Variants in GLIS1 observed in about 807,000 individuals in gnomAD.
The protein encoded by GLIS1 is zinc finger protein GLIS1.
A neutral mutation model predicts 63.8 loss-of-function variants in GLIS1; 24 were observed. The ratio of observed to expected loss-of-function variants is 0.38; its 90% CI spans 0.27 to 0.53. The LOEUF is 0.53. Ranked by LOEUF, GLIS1 falls within the 20% of genes least tolerant of loss-of-function variation. GLIS1 has a pLI of 0.85. For missense variants in GLIS1, 1,036 were observed against 1,074.1 expected (o/e 0.96, Z 0.50); for synonymous variants, 450 against 482.5 (o/e 0.93, Z 0.88).
Position 53,661,442 on chromosome 1 carries a change from T to G in GLIS1, c.260-61164A>C, listed in dbSNP as rs2100362296. Among the ~76,000 whole-genome samples, 3 of 152,296 alleles carry G rather than the reference T, an allele frequency of 2.0e-5. No homozygotes were observed. The South Asian group carries it at 6.2e-4, about 32-fold the overall frequency. On this transcript the variant is annotated intron_variant, in intron 2 of 10. Coordinates refer to ENST00000628545, the MANE Select transcript of GLIS1 (RefSeq NM_001367484.1). ...CCTGGAACAAGATTTTCAAAAAGCC[T>G]AATTGGTTTTTATTAGAAACAATCC... is the stretch of plus-strand genomic sequence containing the variant.
In GLIS1 at chr1:53,538,140, T is replaced by C. The variant is rs369351689; in HGVS notation, c.1321-8188A>G. Among the ~76,000 whole-genome samples the C allele has an allele frequency of 4.6e-5, 7 of 152,308 alleles. No individual in the cohort carries two copies. The South Asian group carries it at 1.5e-3, about 32-fold the overall frequency. On this transcript the variant is annotated intron_variant, in intron 4 of 10. Coordinates refer to ENST00000628545, the MANE Select transcript of GLIS1 (RefSeq NM_001367484.1). ...GGCTCCTTGAGGGTCTCCTCAGAGTTTGGGGCTTCGCCAGTCCTCTGTGGG... is the reference window on the plus strand; with the variant it reads ...GGCTCCTTGAGGGTCTCCTCAGAGTCTGGGGCTTCGCCAGTCCTCTGTGGG...
intron 2 of GLIS1, among the ~76,000 whole-genome samples, chr1:53,678,330 G>A (rs1297488940): frequency 0.13 from 551 of 4,220 alleles, 9 homozygotes; most frequent in Non-Finnish European, 0.46. Flanking sequence ...GGAGGGTGAG[G>A]GGGGGGGGGT....
chr1:53,726,388 G>A (rs1408379700), intron 2 of GLIS1, among the ~76,000 whole-genome samples: 1 of 152,162 alleles, frequency 6.6e-6, no homozygotes, highest in Non-Finnish European at 1.5e-5. Flanking sequence ...TGGCCTCATG[G>A]GACGTCTACT....
chr1:53,660,126 T>C (rs1380129658), intron 2 of GLIS1, among the ~76,000 whole-genome samples: 1 of 152,202 alleles, frequency 6.6e-6, no homozygotes, highest in East Asian at 1.9e-4. Context: ...GCCACCTTGT[T>C]GGCAGCCCTT....
intron 2 of GLIS1, among the ~76,000 whole-genome samples, chr1:53,609,410 A>G (rs1197689073): frequency 6.6e-6 from 1 of 151,182 alleles, no homozygotes; most frequent in Non-Finnish European, 1.5e-5. Context: ...AGCTGCGACT[A>G]CAGGTGTGTG....
intron 7 of GLIS1, among the ~76,000 whole-genome samples, chr1:53,517,008 A>G (rs1289034255): frequency 6.6e-6 from 1 of 152,208 alleles, no homozygotes; most frequent in Non-Finnish European, 1.5e-5. Context: ...CTGTCTTTCC[A>G]CATTATCTAG....
chr1:53,507,296 C>T (rs1644244685), intron 10 of GLIS1, among the ~76,000 whole-genome samples: 1 of 152,216 alleles, frequency 6.6e-6, no homozygotes, highest in African/African-American at 2.4e-5. Flanking sequence ...GTGGGATTCA[C>T]TATCCTATTG....
Position 53,514,704 on chromosome 1 carries a change from T to C in GLIS1, c.1804A>G (p.Arg602Gly), listed in dbSNP as rs757407090. ...LLPPAHDVPS[R>G]HHPLDATTSS... ...GTGGTGGCATCCAGCGGGTGGTGCC[T>C]GGAAGGTACGTCGTGCGCTGGGGGC... The change falls in exon 8 of 11, where the codon AGG (arginine) becomes GGG (glycine). Residue 602 changes from arginine (R) to glycine (G), a missense_variant. This residue lies in a region of GLIS1 where 400 missense variants were observed against 400.9 expected (regional missense o/e 1.00). Transcript: ENST00000628545. The C allele has an allele frequency of 1.2e-6, 2 of 1,613,652 alleles. No homozygotes were observed. Among genetic ancestry groups the C allele is most frequent in the Non-Finnish European group, 1.7e-6 (2 of 1,179,892 alleles).
chr1:53,547,229 C>T (rs924756298), intron 4 of GLIS1, among the ~76,000 whole-genome samples: 1 of 152,238 alleles, frequency 6.6e-6, no homozygotes, highest in Non-Finnish European at 1.5e-5. Context: ...AAAAGACCTG[C>T]TCAAGGCTGC....
chr1:53,554,669 G>A (rs1323499130), intron 4 of GLIS1, among the ~76,000 whole-genome samples: 3 of 152,042 alleles, frequency 2.0e-5, no homozygotes, highest in Admixed American at 6.5e-5. Context: ...GAAGGGTGTG[G>A]TGTGGATGGG....
intron 2 of GLIS1, 63 bp downstream of exon 2, chr1:53,737,743 G>C (rs1047558838): frequency 1.6e-5 from 20 of 1,227,090 alleles, no homozygotes; most frequent in African/African-American, 4.7e-5. Context: ...GCACGCGGTG[G>C]CGACGCCGGG....
At position 53,506,701 on chromosome 1, in the gene GLIS1, C is replaced by T. The variant is rs775365557; in HGVS notation, c.2306G>A (p.Gly769Asp). ...QQPSEDVVSSGPEDCGFFPNG... is the reference protein window; with the variant it reads ...QQPSEDVVSSDPEDCGFFPNG... The stretch of plus-strand genomic sequence containing the variant: ...GGGGAAGAAGCCACAGTCCTCGGGG[C>T]CGCTGGACACCACATCTTCAGATGG... Residue 769 changes from glycine (G) to aspartate (D), a missense_variant, in exon 11 of 11, where the codon GGC becomes GAC. Gly to Asp is a moderately conservative substitution (Grantham distance 94). Around this residue, in one of 3 missense-constraint regions of GLIS1, gnomAD observed 400 missense variants for 400.9 expected, o/e 1.00. Coordinates refer to ENST00000628545, the MANE Select transcript of GLIS1 (RefSeq NM_001367484.1). 5.6e-6 allele frequency: 9 copies of T among 1,613,294 alleles called. No individual in the cohort carries two copies. In the Admixed American group the frequency reaches 1.3e-4, roughly 24 times the overall value.
At chr1:53,542,215 C>G (rs1261076137) in intron 4 of GLIS1, among the ~76,000 whole-genome samples, 1 of 152,186 alleles carries the variant, frequency 6.6e-6, no homozygotes, top group Non-Finnish European at 1.5e-5. Context: ...CAAAGGGGTC[C>G]GTGTGGAATA....
chr1:53,724,119 A>T (rs1780386), intron 2 of GLIS1, among the ~76,000 whole-genome samples: 23 of 152,322 alleles, frequency 1.5e-4, no homozygotes, highest in Admixed American at 1.3e-4. Flanking sequence ...AGGAGGCAGG[A>T]CTGGTAGCCA....
intron 2 of GLIS1, among the ~76,000 whole-genome samples, chr1:53,629,795 C>T (rs1057060958): frequency 6.6e-6 from 1 of 152,130 alleles, no homozygotes; most frequent in African/African-American, 2.4e-5. Context: ...TCTGTCTGTC[C>T]CACTTGAATA....
intron 2 of GLIS1, among the ~76,000 whole-genome samples, chr1:53,692,568 G>A (rs1399236933): frequency 6.6e-6 from 1 of 152,258 alleles, no homozygotes; most frequent in Non-Finnish European, 1.5e-5. Flanking sequence ...TTTAGAGTTT[G>A]GGGTTGTGCT....
chr1:53,696,833 A>G (rs1646470141), intron 2 of GLIS1, among the ~76,000 whole-genome samples: 1 of 152,198 alleles, frequency 6.6e-6, no homozygotes, highest in South Asian at 2.1e-4. Context: ...GGAACAGGTC[A>G]TCATCCACTC....
chr1:53,692,623 T>A (rs1189171441), intron 2 of GLIS1, among the ~76,000 whole-genome samples: 2 of 152,044 alleles, frequency 1.3e-5, no homozygotes, highest in Non-Finnish European at 2.9e-5. Flanking sequence ...CCACTGTGGG[T>A]GTAGCTGGGG....
chr1:53,527,782 G>A (rs1644486154), intron 5 of GLIS1, among the ~76,000 whole-genome samples: 1 of 152,264 alleles, frequency 6.6e-6, no homozygotes, highest in African/African-American at 2.4e-5. Flanking sequence ...CTGGATCCGA[G>A]TGGGGTGCTG....
Sources: allele counts gnomAD v4.1 joint callset (sites outside exome capture counted in the v4.1 genomes callset), GRCh38; gene constraint gnomAD v4.1.1; regional missense constraint gnomAD v4.1.1; transcripts MANE v1.5; gene names NCBI Gene and HGNC (gene_info 2026-07-23, HGNC 2026-07-21).